Variants in SLC4A7 observed in about 807,000 individuals in gnomAD.
The protein encoded by SLC4A7 is sodium bicarbonate cotransporter 3.
Under a neutral mutation model 137.6 loss-of-function variants are expected in SLC4A7, and 51 were observed. That is an observed-to-expected ratio of 0.37 (90% CI 0.30 to 0.47). The LOEUF is 0.47. Among genes scored for constraint, SLC4A7 ranks in the 20% least tolerant of loss-of-function variants. The probability of loss-of-function intolerance (pLI) is 1.00; values close to 1 mark genes in which losing one functional copy is unlikely to be tolerated. For missense variants in SLC4A7, 1,247 were observed against 1,525.4 expected, an observed-to-expected ratio of 0.82 and a Z score of 3.04; for synonymous variants, 542 against 518.6, an observed-to-expected ratio of 1.05 and a Z score of -0.61.
Position 27,391,721 on chromosome 3 carries a change from T to C in SLC4A7, c.3186+19A>G, listed in dbSNP as rs369034111. The C allele has an allele frequency of 5.1e-6, 7 of 1,373,450 alleles. No individual in the cohort carries two copies. Among genetic ancestry groups the C allele is most frequent in the African/African-American group, 1.4e-5 (1 of 69,212 alleles). The allele number at this position is 1,373,450 out of a possible 1,614,324, so 85.1% of individuals were successfully genotyped here. On this transcript the variant is annotated intron_variant, in intron 21 of 25. Transcript: ENST00000454389. ...ATTATCAAGTTTCTATAGAAAATCA[T>C]TAAATACTTAAAACTTGCCTGGATT...
intron 25 of SLC4A7, 101 bp downstream of exon 25, chr3:27,379,148 G>A (rs1279583851): frequency 4.5e-6 from 3 of 659,694 alleles, no homozygotes; most frequent in Non-Finnish European, 8.1e-6. Context: ...CTTATTCCAA[G>A]TATACATTAA....
chr3:27,431,820 T>G, intron 6 of SLC4A7, 151 bp from the exon 7 acceptor site: 1 of 706,362 alleles, frequency 1.4e-6, no homozygotes, highest in Non-Finnish European at 2.1e-6. Context: ...CAATCGGGTT[T>G]TTACATGTTA....
At position 27,447,165 on chromosome 3, in the gene SLC4A7, C is replaced by T. The variant is rs146685977; in HGVS notation, c.289+1486G>A. On this transcript the variant is annotated intron_variant, in intron 3 of 25. Transcript: ENST00000454389. Reference sequence around the variant, plus strand: ...CCTCCCAAAGTACTGCAATTGCAAGCGTGAGCCACCGCGCCCAGCTGAGTA... The same window carrying T: ...CCTCCCAAAGTACTGCAATTGCAAGTGTGAGCCACCGCGCCCAGCTGAGTA... Among the ~76,000 whole-genome samples the T allele has an allele frequency of 5.8e-3, 877 of 151,766 alleles. 7 individuals carry two copies. Among genetic ancestry groups the T allele is most frequent in the African/African-American group, 0.019 (807 of 41,396 alleles).
intron 1 of SLC4A7, among the ~76,000 whole-genome samples, chr3:27,471,056 G>A (rs938529747): frequency 6.6e-5 from 10 of 152,090 alleles, no homozygotes; most frequent in African/African-American, 2.4e-4. Flanking sequence ...CCAAATGGCC[G>A]GGAAGCAGAA....
chr3:27,411,405 T>G (rs970777236), intron 12 of SLC4A7, among the ~76,000 whole-genome samples: 3 of 151,924 alleles, frequency 2.0e-5, no homozygotes, highest in African/African-American at 7.2e-5. Context: ...AACTGCAATA[T>G]TCTGAATATA....
At chr3:27,436,168 A>G (rs879792933) in intron 5 of SLC4A7, among the ~76,000 whole-genome samples, 4 of 152,200 alleles carry the variant, frequency 2.6e-5, no homozygotes, top group Non-Finnish European at 5.9e-5. Context: ...TTTCCACAGA[A>G]CAGACTCTGT....
chr3:27,466,671 AT>A (rs1210412046), intron 1 of SLC4A7, among the ~76,000 whole-genome samples: 1 of 152,092 alleles, frequency 6.6e-6, no homozygotes, highest in African/African-American at 2.4e-5. Flanking sequence ...CTATAAAAAA[AT>A]ACCAAAATTA....
chr3:27,478,750 G>A (rs2059579144), intron 1 of SLC4A7, among the ~76,000 whole-genome samples: 1 of 151,530 alleles, frequency 6.6e-6, no homozygotes, highest in Non-Finnish European at 1.5e-5. Flanking sequence ...CACTTTGGGA[G>A]GCCGTGGCAG....
In SLC4A7 at chr3:27,433,990, C is replaced by T; in HGVS notation, c.704G>A (p.Ser235Asn). The change falls in exon 6 of 26, where the codon AGT becomes AAT. Residue 235 changes from serine (S) to asparagine (N), a missense_variant. Transcript: ENST00000454389. ...HHHQNEKRFTSRIPLVRSFAD... is the reference protein window; with the variant it reads ...HHHQNEKRFTNRIPLVRSFAD... ...AAAAGATCGAACAAGAGGAATCCGACTGGTGAATCTTTTCTCATTCTGATG... is the reference window on the plus strand; with the variant it reads ...AAAAGATCGAACAAGAGGAATCCGATTGGTGAATCTTTTCTCATTCTGATG... 1.2e-6 allele frequency: 2 copies of T among 1,613,828 alleles called. No homozygotes were observed. Among genetic ancestry groups the T allele is most frequent in the Non-Finnish European group, 1.7e-6 (2 of 1,179,876 alleles).
intron 7 of SLC4A7, among the ~76,000 whole-genome samples, chr3:27,427,623 G>A (rs6805172): frequency 0.055 from 8,340 of 151,968 alleles, 760 homozygotes; most frequent in African/African-American, 0.19. Flanking sequence ...ATGATGCTGA[G>A]GCCACTTTCT....
chr3:27,409,904 T>G (rs1314430483), intron 12 of SLC4A7, among the ~76,000 whole-genome samples: 1 of 152,192 alleles, frequency 6.6e-6, no homozygotes, highest in African/African-American at 2.4e-5. Flanking sequence ...TTGTCTATAT[T>G]AAAATCTTAA....
chr3:27,443,355 G>A (rs1401873395), intron 3 of SLC4A7, among the ~76,000 whole-genome samples: 5 of 151,978 alleles, frequency 3.3e-5, no homozygotes, highest in Admixed American at 6.6e-5. Flanking sequence ...TAATTTCTGC[G>A]GGATGTGTAT....
chr3:27,376,687 A>G lies in SLC4A7; in HGVS notation c.*77T>C. 2 of 884,616 alleles carry G rather than the reference A, an allele frequency of 2.3e-6. No homozygotes were observed. The highest frequency in any genetic ancestry group is 3.6e-6 in the Non-Finnish European group (2 of 553,170). 54.8% of individuals were successfully genotyped at this position (884,616 alleles called of 1,614,324 possible). A position where few individuals can be genotyped will look rare whatever the true frequency, so the allele number is the denominator to read the frequency against. ...ACACATAAACAGCATGACATACAAT[A>G]TTCTTATATATAGTGACATGATACG... is the stretch of plus-strand genomic sequence containing the variant. On this transcript the variant is annotated 3_prime_UTR_variant, in exon 26 of 26. Transcript: ENST00000454389.
intron 1 of SLC4A7, among the ~76,000 whole-genome samples, chr3:27,481,673 C>T (rs568905172): frequency 3.9e-5 from 6 of 152,304 alleles, no homozygotes; most frequent in South Asian, 2.1e-4. Flanking sequence ...TGCTAGTTTA[C>T]TGTATTTGAT....
rs994918028 is a variant in SLC4A7, at chr3:27,474,103, A to T, written c.60+9964T>A. Among the ~76,000 whole-genome samples the T allele has an allele frequency of 5.3e-5, 8 of 152,346 alleles. No homozygotes were observed. In the South Asian group the frequency reaches 1.7e-3, roughly 32 times the overall value. ...TCTGACTTTCTATACTCTAGAGACT[A>T]AATTTTGAAAGTCTAACATTATCAA... On this transcript the variant is annotated intron_variant, in intron 1 of 25. Transcript: ENST00000454389.
intron 11 of SLC4A7, 132 bp downstream of exon 11, chr3:27,418,354 G>T: frequency 1.5e-6 from 1 of 671,802 alleles, no homozygotes; most frequent in Non-Finnish European, 2.6e-6. Flanking sequence ...CAGGAGGTAA[G>T]TATGGGGGTA....
At chr3:27,384,894 T>C (rs991941911) in intron 23 of SLC4A7, among the ~76,000 whole-genome samples, 1 of 151,890 alleles carries the variant, frequency 6.6e-6, no homozygotes, top group Admixed American at 6.6e-5. Context: ...TGAGCCGAGA[T>C]CATGCCACTG....
chr3:27,400,928 C>G (rs1445737959), intron 15 of SLC4A7, 59 bp from the exon 16 acceptor site: 3 of 953,596 alleles, frequency 3.1e-6, no homozygotes, highest in Non-Finnish European at 5.0e-6. Context: ...TTACATTTTA[C>G]TAAATCAATT....
rs889768691 is a variant in SLC4A7, at chr3:27,452,320, A to C, written c.142+97T>G. 5.2e-6 allele frequency: 4 copies of C among 768,772 alleles called. No individual in the cohort carries two copies. The African/African-American group carries it at 5.4e-5, about 10-fold the overall frequency. The allele number at this position is 768,772 out of a possible 1,614,324, so 47.6% of individuals were successfully genotyped here. On this transcript the variant is annotated intron_variant, in intron 2 of 25. Coordinates refer to ENST00000454389, the MANE Select transcript of SLC4A7 (RefSeq NM_001321103.2). ...TTTACCTTACAACAATAACAAAAAA[A>C]CTCAACAAATACTAGGTAAAACTTA...
Sources: gnomAD v4.1 joint callset for allele counts (sites outside exome capture counted in the v4.1 genomes callset) on GRCh38, gnomAD v4.1.1 for gene constraint, MANE v1.5 for transcripts, NCBI Gene and HGNC (gene_info 2026-07-23, HGNC 2026-07-21) for gene names.